EMP2: variants seen among roughly 807,000 people sequenced by gnomAD.
The protein encoded by EMP2 is epithelial membrane protein 2.
A neutral mutation model predicts 13.7 loss-of-function variants in EMP2; 19 were observed. The ratio of observed to expected loss-of-function variants is 1.38; its 90% CI spans 0.97 to 2.03. The LOEUF (loss-of-function observed/expected upper bound fraction) is 2.03. Among genes scored for constraint, EMP2 ranks in the 30% most tolerant of loss-of-function variants. EMP2 has a pLI of 0.00. For synonymous variants in EMP2, 97 were observed against 84.7 expected (o/e 1.15, Z -0.80); for missense variants, 253 against 220.7 (o/e 1.15, Z -0.93).
At chr16:10,560,039 A>G (rs1409878196) in intron 1 of EMP2, among the ~76,000 whole-genome samples, 1 of 152,200 alleles carries the variant, frequency 6.6e-6, no homozygotes, top group Non-Finnish European at 1.5e-5. Flanking sequence ...AATGTCACAC[A>G]GCTAGTAAAA....
At chr16:10,561,346 T>A (rs2050869840) in intron 1 of EMP2, among the ~76,000 whole-genome samples, 1 of 152,176 alleles carries the variant, frequency 6.6e-6, no homozygotes, top group South Asian at 2.1e-4. Flanking sequence ...GAAAACGGGC[T>A]AGAACCAGGA....
Position 10,532,202 on chromosome 16 carries a change from A to AG in EMP2, c.*702dup, listed in dbSNP as rs35914943. The AG allele has an allele frequency of 3.1e-4, 47 of 153,266 alleles. No homozygotes were observed. Among genetic ancestry groups the AG allele is most frequent in the Middle Eastern group, 1.0e-3 (2 of 1,918 alleles). 9.5% of individuals were successfully genotyped at this position (153,266 alleles called of 1,614,324 possible). On this transcript the variant is annotated 3_prime_UTR_variant, in exon 5 of 5. Coordinates refer to ENST00000359543, the MANE Select transcript of EMP2 (RefSeq NM_001424.6). ...ACTCTGATTCTGTAGGTCTGGGGTG[A>AG]GGGGGGGGGCGCTGTAGGTTTTGCC...
intron 3 of EMP2, among the ~76,000 whole-genome samples, chr16:10,542,097 T>C (rs1193981431): frequency 6.6e-6 from 1 of 152,096 alleles, no homozygotes; most frequent in East Asian, 1.9e-4. Context: ...GCCCAGTACA[T>C]GAATATCCGA....
chr16:10,563,051 C>T lies in EMP2; in HGVS notation c.-60-15374G>A, dbSNP rs557033307. ...ACGTTGCTCGGGGTGAGGCAGGTGT[C>T]AAATGCAGGGTGTTCCCCAGCCTCA... On this transcript the variant is annotated intron_variant, in intron 1 of 4. Coordinates refer to ENST00000359543, the MANE Select transcript of EMP2 (RefSeq NM_001424.6). 2.0e-5 allele frequency among the ~76,000 whole-genome samples: 3 copies of T among 152,224 alleles called. No homozygotes were observed. The East Asian group carries it at 5.8e-4, about 29-fold the overall frequency.
chr16:10,565,776 C>G (rs1439637637), intron 1 of EMP2, among the ~76,000 whole-genome samples: 1 of 152,054 alleles, frequency 6.6e-6, no homozygotes, highest in African/African-American at 2.4e-5. Context: ...CCATGGGAAC[C>G]CATTCCGATG....
chr16:10,569,655 G>A (rs1004512310), intron 1 of EMP2, among the ~76,000 whole-genome samples: 11 of 152,138 alleles, frequency 7.2e-5, no homozygotes, highest in Non-Finnish European at 1.2e-4. Context: ...GCTGTAAATG[G>A]AAAATCAGCA....
At chr16:10,569,620 C>T (rs1448735969) in intron 1 of EMP2, among the ~76,000 whole-genome samples, 7 of 152,074 alleles carry the variant, frequency 4.6e-5, no homozygotes, top group Non-Finnish European at 8.8e-5. Context: ...ACACCCAGCC[C>T]GATTCATTTT....
intron 4 of EMP2, among the ~76,000 whole-genome samples, chr16:10,534,933 C>T (rs1004213669): frequency 6.6e-6 from 1 of 152,176 alleles, no homozygotes; most frequent in Admixed American, 6.6e-5. Context: ...AGGGGCCAAG[C>T]GCGTAGACAA....
chr16:10,559,729 C>T (rs1460520519), intron 1 of EMP2, among the ~76,000 whole-genome samples: 2 of 152,154 alleles, frequency 1.3e-5, no homozygotes, highest in African/African-American at 4.8e-5. Flanking sequence ...GGCTAGAGTG[C>T]CATGGTGCGA....
At chr16:10,573,987 G>C (rs1166861394) in intron 1 of EMP2, among the ~76,000 whole-genome samples, 1 of 142,156 alleles carries the variant, frequency 7.0e-6, no homozygotes, top group Non-Finnish European at 1.5e-5. Flanking sequence ...ACCCAGGCTG[G>C]AGTGCAGTGG....
intron 2 of EMP2, chr16:10,544,549 C>T (rs1290176797): frequency 1.3e-5 from 2 of 152,308 alleles, no homozygotes; most frequent in African/African-American, 4.8e-5. Flanking sequence ...AAGAGGTGGT[C>T]CAGGCCCTCA....
intron 4 of EMP2, among the ~76,000 whole-genome samples, chr16:10,536,921 C>G (rs1172145869): frequency 6.6e-6 from 1 of 152,152 alleles, no homozygotes; most frequent in African/African-American, 2.4e-5. Flanking sequence ...AGTTTTAAAC[C>G]AGAGGATGGT....
At chr16:10,547,409 C>T in intron 2 of EMP2, 131 bp downstream of exon 2, 1 of 987,374 alleles carries the variant, frequency 1.0e-6, no homozygotes, top group South Asian at 1.7e-5. Flanking sequence ...GTCCATTAGA[C>T]CTCATTTTCC....
intron 1 of EMP2, among the ~76,000 whole-genome samples, chr16:10,562,288 T>C (rs2050876541): frequency 6.6e-6 from 1 of 151,826 alleles, no homozygotes. Flanking sequence ...GGCAGAAGTG[T>C]GACATTGTGC....
rs1358617455 is a variant in EMP2 at position 10,528,504 on chromosome 16, T to G, written c.*4401A>C. Reference sequence around the variant, plus strand: ...CTTGATGAGAAATCAGCTGACCCCCTGCCCCTCAAAATGGCAGCATTCTGC... The same window carrying G: ...CTTGATGAGAAATCAGCTGACCCCCGGCCCCTCAAAATGGCAGCATTCTGC... On this transcript the variant is annotated 3_prime_UTR_variant, in exon 5 of 5. Coordinates refer to ENST00000359543, the MANE Select transcript of EMP2 (RefSeq NM_001424.6). The G allele has an allele frequency of 6.6e-6, 1 of 152,176 alleles. No individual in the cohort carries two copies. Among genetic ancestry groups the G allele is most frequent in the Admixed American group, 6.5e-5 (1 of 15,276 alleles). The allele number at this position is 152,176 out of a possible 1,614,324, so 9.4% of individuals were successfully genotyped here.
At chr16:10,560,668 C>G (rs1202957422) in intron 1 of EMP2, among the ~76,000 whole-genome samples, 1 of 152,146 alleles carries the variant, frequency 6.6e-6, no homozygotes, top group African/African-American at 2.4e-5. Flanking sequence ...ATGGGAGACA[C>G]TTGTGGTGTG....
intron 1 of EMP2, among the ~76,000 whole-genome samples, chr16:10,558,191 G>C (rs181668159): frequency 6.6e-6 from 1 of 151,982 alleles, no homozygotes; most frequent in Non-Finnish European, 1.5e-5. Flanking sequence ...CACCATGCCC[G>C]TCTAATTTTA....
chr16:10,570,678 A>G (rs915838379), intron 1 of EMP2, among the ~76,000 whole-genome samples: 1 of 152,092 alleles, frequency 6.6e-6, no homozygotes, highest in East Asian at 1.9e-4. Flanking sequence ...GATTACAGGC[A>G]TGAGCTACCA....
chr16:10,573,853 T>C (rs1348374637), intron 1 of EMP2, among the ~76,000 whole-genome samples: 1 of 151,806 alleles, frequency 6.6e-6, no homozygotes, highest in Non-Finnish European at 1.5e-5. Context: ...CTTTTCCACA[T>C]ATACTTCTCC....
Sources: allele counts gnomAD v4.1 joint callset (sites outside exome capture counted in the v4.1 genomes callset), GRCh38; gene constraint gnomAD v4.1.1; transcripts MANE v1.5; gene names NCBI Gene and HGNC (gene_info 2026-07-23, HGNC 2026-07-21).